The following BCL11B variants were observed in gnomAD, a reference collection of about 807,000 sequenced individuals.
The protein encoded by BCL11B is B-cell lymphoma/leukemia 11B.
BCL11B carries 8 observed loss-of-function variants against 49.9 expected under a neutral mutation model. The ratio of observed to expected loss-of-function variants is 0.16; its 90% CI spans 0.09 to 0.29. The LOEUF (loss-of-function observed/expected upper bound fraction) is 0.29, where lower values mean the gene tolerates loss of function less well. Among genes scored for constraint, BCL11B ranks in the 10% least tolerant of loss-of-function variants. BCL11B has a pLI of 1.00. For missense variants in BCL11B, 1,006 were observed against 1,351.0 expected (o/e 0.74, Z 4.00); for synonymous variants, 739 against 637.4 (o/e 1.16, Z -2.40).
rs572018443 is a variant in BCL11B, at chr14:99,196,969, G to A, written c.641-20774C>T. ...AAGGAGGAAAGGGAACATTTACCAA[G>A]AACCTTCCATGTTCTGGTTCCTTCC... On this transcript the variant is annotated intron_variant, in intron 3 of 3. Coordinates refer to ENST00000357195, the MANE Select transcript of BCL11B (RefSeq NM_138576.4). Among the ~76,000 whole-genome samples, 21 of 152,314 alleles carry A rather than the reference G, an allele frequency of 1.4e-4. No individual in the cohort carries two copies. The South Asian group carries it at 4.4e-3, about 32-fold the overall frequency.
chr14:99,221,097 CTG>C (rs1303768956), intron 3 of BCL11B, among the ~76,000 whole-genome samples: 2 of 152,126 alleles, frequency 1.3e-5, no homozygotes, highest in African/African-American at 4.8e-5. Flanking sequence ...TGTGATCCGC[CTG>C]CCTGCCTCAG....
intron 2 of BCL11B, among the ~76,000 whole-genome samples, chr14:99,233,237 G>C (rs1053982888): frequency 1.3e-5 from 2 of 152,174 alleles, no homozygotes; most frequent in Non-Finnish European, 2.9e-5. Flanking sequence ...CTTCCCTGCA[G>C]ACCACCGAGG....
In BCL11B at chr14:99,227,298, T is replaced by C. The variant is rs141230620; in HGVS notation, c.640+4047A>G. On this transcript the variant is annotated intron_variant, in intron 3 of 3. Transcript: ENST00000357195. ...GACAGGGCTCACTCAGCACATGGTG[T>C]TGTTCTCAGCACCTGGCCCGTATGA... Among the ~76,000 whole-genome samples the C allele has an allele frequency of 4.4e-3, 673 of 152,262 alleles. 5 individuals carry two copies. The highest frequency in any genetic ancestry group is 0.015 in the African/African-American group (636 of 41,534).
chr14:99,199,154 C>T (rs1172138617), intron 3 of BCL11B, among the ~76,000 whole-genome samples: 1 of 152,346 alleles, frequency 6.6e-6, no homozygotes, highest in South Asian at 2.1e-4. Context: ...CCCTGATCCA[C>T]GTCCTGGTAA....
intron 3 of BCL11B, among the ~76,000 whole-genome samples, chr14:99,229,153 TGGAC>T (rs1237259853): frequency 3.4e-5 from 5 of 148,066 alleles, no homozygotes; most frequent in African/African-American, 1.2e-4. Context: ...GATGGATGGA[TGGAC>T]GGACGGATAG....
rs1220663516 is a variant in BCL11B at position 99,174,542 on chromosome 14, G to A, written c.2294C>T (p.Ser765Leu). 7.9e-6 allele frequency: 12 copies of A among 1,511,324 alleles called. No individual in the cohort carries two copies. The highest frequency in any genetic ancestry group is 8.8e-6 in the Non-Finnish European group (10 of 1,132,278). The allele number at this position is 1,511,324 out of a possible 1,614,324, so 93.6% of individuals were successfully genotyped here. A position where few individuals can be genotyped will look rare whatever the true frequency, so the allele number is the denominator to read the frequency against. ...TCCGCTGGCCGTGCCGCTGCGGCCC[G>A]AGAGGCCGCCGTCCAGCAGGTCCCC... is the stretch of plus-strand genomic sequence containing the variant. Reference protein sequence around the residue: ...PPGDLLDGGLSGRSGTASGGS... With the variant: ...PPGDLLDGGLLGRSGTASGGS... The change falls in exon 4 of 4, where the codon TCG becomes TTG. Residue 765 changes from serine to leucine, a missense_variant. Around this residue, in one of 6 missense-constraint regions of BCL11B, gnomAD observed 443 missense variants for 499.7 expected, o/e 0.89. Coordinates refer to ENST00000357195, the MANE Select transcript of BCL11B (RefSeq NM_138576.4).
At chr14:99,209,072 T>G (rs1887616147) in intron 3 of BCL11B, among the ~76,000 whole-genome samples, 1 of 152,172 alleles carries the variant, frequency 6.6e-6, no homozygotes, top group East Asian at 1.9e-4. Context: ...GTGTCTAGGA[T>G]AGAGAAGGGC....
At chr14:99,209,030 G>A (rs1423012135) in intron 3 of BCL11B, among the ~76,000 whole-genome samples, 1 of 152,200 alleles carries the variant, frequency 6.6e-6, no homozygotes, top group East Asian at 1.9e-4. Context: ...AGGCTGAGAT[G>A]GGCTCACAGT....
chr14:99,241,492 C>T lies in BCL11B; in HGVS notation c.428-9935G>A, dbSNP rs7160226. Among the ~76,000 whole-genome samples, 1,342 of 152,120 alleles carry T rather than the reference C, an allele frequency of 8.8e-3. 19 individuals are homozygous for T. The highest frequency in any genetic ancestry group is 0.031 in the African/African-American group (1,267 of 41,490). On this transcript the variant is annotated intron_variant, in intron 2 of 3. Transcript: ENST00000357195. This position sits in a 1 kb window ranked among gnomAD's most constrained non-coding sequence, Gnocchi z 4.4. Reference sequence around the variant, plus strand: ...AAAGAAAAAGAAAAAAAAAAATCTTCGCACCACATCACCAAAATGGCAGAA... The same window carrying T: ...AAAGAAAAAGAAAAAAAAAAATCTTTGCACCACATCACCAAAATGGCAGAA...
At chr14:99,244,675 C>T (rs1566827545) in intron 2 of BCL11B, among the ~76,000 whole-genome samples, 2 of 152,160 alleles carry the variant, frequency 1.3e-5, no homozygotes, top group African/African-American at 4.8e-5. Context: ...AATTTGTTAC[C>T]TTTTCCGGAG....
In BCL11B at chr14:99,174,025, G is replaced by C; in HGVS notation, c.*126C>G. 1 of 948,450 alleles carries C rather than the reference G, an allele frequency of 1.1e-6. No homozygotes were observed. The highest frequency in any genetic ancestry group is 1.7e-5 in the African/African-American group (1 of 60,584). 58.8% of individuals were successfully genotyped at this position (948,450 alleles called of 1,614,324 possible). A position where few individuals can be genotyped will look rare whatever the true frequency, so the allele number is the denominator to read the frequency against. ...CAGACACAGGTTAGGTTGGAGTGCC[G>C]CCTCCCCTGGGCCCCGGGGACACGC... On this transcript the variant is annotated 3_prime_UTR_variant, in exon 4 of 4. Transcript: ENST00000357195.
In BCL11B at chr14:99,241,937, G is replaced by A. The variant is rs553405511; in HGVS notation, c.428-10380C>T. Among the ~76,000 whole-genome samples the A allele has an allele frequency of 8.5e-5, 13 of 152,240 alleles. No homozygotes were observed. The highest frequency in any genetic ancestry group is 2.1e-4 in the South Asian group (1 of 4,824). ...AACAGCCAACAGATTTTTCACTACC[G>A]AAGACGCCAAGCGTAAACATGATTT... On this transcript the variant is annotated intron_variant, in intron 2 of 3. Transcript: ENST00000357195. This position sits in a 1 kb window ranked among gnomAD's most constrained non-coding sequence, Gnocchi z 4.4.
At chr14:99,229,571 A>C (rs765072761) in intron 3 of BCL11B, among the ~76,000 whole-genome samples, 26 of 152,190 alleles carry the variant, frequency 1.7e-4, no homozygotes, top group Non-Finnish European at 3.5e-4. Flanking sequence ...CCTGGTCAGC[A>C]CCATACAAAG....
At chr14:99,254,380 G>A (rs1045355434) in intron 2 of BCL11B, among the ~76,000 whole-genome samples, 16 of 152,206 alleles carry the variant, frequency 1.1e-4, no homozygotes, top group African/African-American at 2.9e-4. Context: ...TTCTCACCCT[G>A]GGATCTCCCT....
intron 1 of BCL11B, among the ~76,000 whole-genome samples, chr14:99,267,799 A>G (rs1226865226): frequency 6.6e-6 from 1 of 152,232 alleles, no homozygotes; most frequent in Non-Finnish European, 1.5e-5. Context: ...GTTTTACAAA[A>G]TCGTGAATTC....
Position 99,244,054 on chromosome 14 carries a change from G to A in BCL11B, c.428-12497C>T, listed in dbSNP as rs573072790. 5.3e-5 allele frequency among the ~76,000 whole-genome samples: 8 copies of A among 151,706 alleles called. No individual in the cohort carries two copies. The East Asian group carries it at 5.8e-4, about 11-fold the overall frequency. On this transcript the variant is annotated intron_variant, in intron 2 of 3. Transcript: ENST00000357195. ...CGCAGAAAGTGTGCCCTGCAAAGAC[G>A]CCAGAGCACCCTGGGGGCTACCAGT...
intron 3 of BCL11B, among the ~76,000 whole-genome samples, chr14:99,178,123 A>C (rs978923271): frequency 6.6e-6 from 1 of 152,090 alleles, no homozygotes; most frequent in African/African-American, 2.4e-5. Context: ...CCTCAGAACC[A>C]GTTGGCCCAG....
chr14:99,270,406 C>T (rs1313318093), intron 1 of BCL11B, among the ~76,000 whole-genome samples: 6 of 151,642 alleles, frequency 4.0e-5, no homozygotes, highest in African/African-American at 1.5e-4. Flanking sequence ...TTCACCAACC[C>T]CAATCCCCCC....
At chr14:99,221,961 G>C (rs1888022114) in intron 3 of BCL11B, among the ~76,000 whole-genome samples, 1 of 152,204 alleles carries the variant, frequency 6.6e-6, no homozygotes. Context: ...AGTTTGATCT[G>C]GTTTCCCTGG....
Sources: allele counts gnomAD v4.1 joint callset (sites outside exome capture counted in the v4.1 genomes callset), GRCh38; gene constraint gnomAD v4.1.1; regional missense constraint gnomAD v4.1.1; non-coding constraint Gnocchi (gnomAD v3.1); transcripts MANE v1.5; gene names NCBI Gene and HGNC (gene_info 2026-07-23, HGNC 2026-07-21).